NEBL: variants seen among roughly 807,000 people sequenced by gnomAD.
NEBL encodes nebulette.
A neutral mutation model predicts 140.2 loss-of-function variants in NEBL; 122 were observed. The ratio of observed to expected loss-of-function variants is 0.87; its 90% CI spans 0.75 to 1.01. NEBL has a LOEUF of 1.01. Among genes scored for constraint, NEBL ranks in the 50% least tolerant of loss-of-function variants. The pLI, the probability that NEBL is intolerant of heterozygous loss-of-function variation, is 0.00. For missense variants in NEBL, 1,365 were observed against 1,231.3 expected (o/e 1.11, Z -1.62); for synonymous variants, 436 against 398.9 (o/e 1.09, Z -1.11).
chr10:20,791,858 G>A (rs535265791), intron 26 of NEBL, among the ~76,000 whole-genome samples: 1 of 152,322 alleles, frequency 6.6e-6, no homozygotes, highest in East Asian at 1.9e-4. Context: ...GTGCGTGAAA[G>A]AAGAGAATAT....
intron 4 of NEBL, among the ~76,000 whole-genome samples, chr10:20,939,601 A>G (rs1322880822): frequency 2.6e-5 from 4 of 152,196 alleles, no homozygotes; most frequent in African/African-American, 9.7e-5. Context: ...CCTTAAACGT[A>G]AATGGGCTAA....
At chr10:21,067,733 T>C (rs1835631655) in intron 2 of NEBL, among the ~76,000 whole-genome samples, 1 of 152,020 alleles carries the variant, frequency 6.6e-6, no homozygotes, top group Non-Finnish European at 1.5e-5. Flanking sequence ...TCCCAGCACT[T>C]TGGGAGGCTG....
chr10:20,801,088 T>G (rs954835699), intron 26 of NEBL, among the ~76,000 whole-genome samples: 5 of 152,232 alleles, frequency 3.3e-5, no homozygotes, highest in African/African-American at 1.2e-4. Flanking sequence ...TGTGCTGAAC[T>G]ATACCAAGTT....
intron 2 of NEBL, among the ~76,000 whole-genome samples, chr10:21,098,561 A>T (rs1326470546): frequency 6.6e-6 from 1 of 152,172 alleles, no homozygotes; most frequent in Admixed American, 6.5e-5. Flanking sequence ...TTACTGCTAG[A>T]CCTGGAATAA....
intron 3 of NEBL, among the ~76,000 whole-genome samples, chr10:20,997,378 G>T (rs981388686): frequency 5.4e-5 from 8 of 148,804 alleles, no homozygotes; most frequent in Non-Finnish European, 8.9e-5. Flanking sequence ...CACTGCCAAG[G>T]GGGGCAAGGT....
intron 1 of NEBL, among the ~76,000 whole-genome samples, chr10:21,286,732 G>T (rs1201516734): frequency 1.3e-5 from 2 of 152,160 alleles, no homozygotes; most frequent in African/African-American, 4.8e-5. Context: ...TACTCGGGAG[G>T]CTGAGGCAGG....
chr10:20,900,923 G>A (rs1392042171), upstream of NEBL, among the ~76,000 whole-genome samples: 1 of 150,370 alleles, frequency 6.7e-6, no homozygotes, highest in Non-Finnish European at 1.5e-5. Flanking sequence ...GGAGGCCGAG[G>A]CAGGAGAATC....
At chr10:21,031,896 A>T (rs530425640) in intron 2 of NEBL, among the ~76,000 whole-genome samples, 1 of 152,348 alleles carries the variant, frequency 6.6e-6, no homozygotes, top group Non-Finnish European at 1.5e-5. Flanking sequence ...CACATAAAAG[A>T]TTCTGTCTGT....
chr10:20,869,588 A>G, intron 6 of NEBL, 152 bp downstream of exon 6: 1 of 672,526 alleles, frequency 1.5e-6, no homozygotes, highest in South Asian at 1.7e-5. Context: ...TTAACATAAT[A>G]AAATAGATAA....
intron 2 of NEBL, among the ~76,000 whole-genome samples, chr10:21,061,192 T>A (rs1835260377): frequency 6.6e-6 from 1 of 150,720 alleles, no homozygotes; most frequent in Admixed American, 6.6e-5. Context: ...ATATGATGTA[T>A]TATTATAGAT....
intron 3 of NEBL, among the ~76,000 whole-genome samples, chr10:21,187,111 G>A (rs919181450): frequency 4.6e-5 from 7 of 151,092 alleles, no homozygotes; most frequent in Non-Finnish European, 7.4e-5. Context: ...ATGCAAGTAC[G>A]TACCTATGTA....
At chr10:21,143,198 C>T (rs575293694) in intron 2 of NEBL, among the ~76,000 whole-genome samples, 323 of 152,160 alleles carry the variant, frequency 2.1e-3, no homozygotes, top group Non-Finnish European at 3.2e-3. Flanking sequence ...CCTGTAATCC[C>T]AGCACTTTAG....
chr10:20,975,666 T>A lies in NEBL; in HGVS notation c.250-13887A>T, dbSNP rs139620622. On this transcript the variant is annotated intron_variant, in intron 3 of 6. Transcript: ENST00000417816. The stretch of plus-strand genomic sequence containing the variant: ...CACTTGAATACCTACAGTCATTACA[T>A]AACTTTACAAAACAAGGTGGCAAAA... Among the ~76,000 whole-genome samples the A allele has an allele frequency of 1.2e-3, 190 of 152,288 alleles. 1 individual carries two copies. Among genetic ancestry groups the A allele is most frequent in the African/African-American group, 4.3e-3 (180 of 41,566 alleles).
At chr10:21,272,528 A>G (rs1842872419) in intron 1 of NEBL, among the ~76,000 whole-genome samples, 1 of 152,110 alleles carries the variant, frequency 6.6e-6, no homozygotes, top group African/African-American at 2.4e-5. Flanking sequence ...GTTTGAGGTT[A>G]CAGTGAGCTA....
At chr10:21,260,190 C>T (rs748331470) in intron 1 of NEBL, among the ~76,000 whole-genome samples, 1 of 152,218 alleles carries the variant, frequency 6.6e-6, no homozygotes, top group Non-Finnish European at 1.5e-5. Flanking sequence ...TAGAATGAAA[C>T]AGCTCATCCG....
At chr10:20,795,005 T>G (rs575825053) in intron 26 of NEBL, among the ~76,000 whole-genome samples, 1 of 152,212 alleles carries the variant, frequency 6.6e-6, no homozygotes, top group African/African-American at 2.4e-5. Flanking sequence ...CAGAATTTAA[T>G]GCCAAAAATC....
chr10:21,186,936 G>T (rs1370827213), intron 3 of NEBL, among the ~76,000 whole-genome samples: 1 of 150,464 alleles, frequency 6.6e-6, no homozygotes, highest in East Asian at 2.0e-4. Flanking sequence ...TTCATCTTTG[G>T]TTGGTTGAAT....
At chr10:21,025,639 G>A (rs953826422) in intron 2 of NEBL, among the ~76,000 whole-genome samples, 6 of 152,146 alleles carry the variant, frequency 3.9e-5, no homozygotes, top group Non-Finnish European at 5.9e-5. Context: ...TGGGGAGAGC[G>A]AGAACCCAGA....
chr10:21,167,050 C>A (rs993646304), intron 2 of NEBL, among the ~76,000 whole-genome samples: 2 of 152,158 alleles, frequency 1.3e-5, no homozygotes, highest in African/African-American at 4.8e-5. Flanking sequence ...GCACTGGCCT[C>A]GATAATCACA....
Sources: allele counts gnomAD v4.1 joint callset (sites outside exome capture counted in the v4.1 genomes callset), GRCh38; gene constraint gnomAD v4.1.1; transcripts MANE v1.5; gene names NCBI Gene and HGNC (gene_info 2026-07-23, HGNC 2026-07-21).